The following PIDD1 variants were observed in gnomAD, a reference collection of about 807,000 sequenced individuals.
PIDD1 encodes p53-induced death domain-containing protein 1.
Under a neutral mutation model 80.0 loss-of-function variants are expected in PIDD1, and 72 were observed. The observed-to-expected ratio is 0.90, with a 90% CI of 0.74 to 1.09. The LOEUF is 1.09. PIDD1 is among the 50% of genes least tolerant of loss of function. PIDD1 has a pLI of 0.00. For missense variants in PIDD1, 1,329 were observed against 1,228.3 expected (o/e 1.08, Z -1.23); for synonymous variants, 655 against 543.5 (o/e 1.21, Z -2.85).
intron 1 of PIDD1, 86 bp downstream of exon 1, chr11:805,093 G>T: frequency 2.0e-6 from 1 of 510,766 alleles, no homozygotes; most frequent in Non-Finnish European, 2.5e-6. Context: ...GGGATCCCCC[G>T]GGCGTCGGGG....
Position 799,329 on chromosome 11 carries a change from G to A in PIDD1, c.2711C>T (p.Pro904Leu), listed in dbSNP as rs373748847. The A allele has an allele frequency of 6.2e-7, 1 of 1,606,166 alleles. No individual in the cohort carries two copies. Among genetic ancestry groups the A allele is most frequent in the Non-Finnish European group, 8.5e-7 (1 of 1,177,686 alleles). The change falls in exon 16 of 16, where the codon CCC becomes CTC. Residue 904 changes from proline (P) to leucine (L), a missense_variant. By Grantham distance (98) the Pro-to-Leu change is moderately conservative (BLOSUM62 -3). Coordinates refer to ENST00000347755, the MANE Select transcript of PIDD1 (RefSeq NM_145886.4). ...PALPGSSAPQ[P>L]PEPAQA ...GGCCTAGGCCTGGGCAGGCTCTGGGGGCTGTGGAGCCGAGGAGCCAGGCAG... is the reference window on the plus strand; with the variant it reads ...GGCCTAGGCCTGGGCAGGCTCTGGGAGCTGTGGAGCCGAGGAGCCAGGCAG...
At chr11:808,477 C>T (rs1381282509), upstream of PIDD1, among the ~76,000 whole-genome samples, 2 of 152,130 alleles carry the variant, frequency 1.3e-5, no homozygotes, top group African/African-American at 4.8e-5. Flanking sequence ...GCCTGTAATC[C>T]CAGCACTTTG....
rs1865374002 is a variant in PIDD1 at position 801,954 on chromosome 11, G to T, written c.1302+11C>A. The T allele has an allele frequency of 1.3e-6, 2 of 1,598,080 alleles. No individual in the cohort carries two copies. The highest frequency in any genetic ancestry group is 1.7e-6 in the Non-Finnish European group (2 of 1,173,014). ...CTCCACTCGCCACCGGCAGGCCTGG[G>T]TGGCCCTCACCTGGGGTGCCTCTTC... is the stretch of plus-strand genomic sequence containing the variant. On this transcript the variant is annotated intron_variant, in intron 7 of 15. Transcript: ENST00000347755.
chr11:799,926 G>C lies in PIDD1; in HGVS notation c.2363C>G (p.Thr788Arg), dbSNP rs749370608. The change falls in exon 15 of 16, where the codon ACG becomes AGG. Residue 788 changes from threonine to arginine, a missense_variant. Physicochemically the swap from Thr to Arg is moderately conservative, Grantham distance 71. Transcript: ENST00000347755. ...AGCCACACTCAGCAGGTTGCTCTGCGTCAGAAAGCCGGTCTCGGCATCTCC... is the reference window on the plus strand; with the variant it reads ...AGCCACACTCAGCAGGTTGCTCTGCCTCAGAAAGCCGGTCTCGGCATCTCC... Reference protein sequence around the residue: ...NLGDAETGFLTQSNLLSVAGR... With the variant: ...NLGDAETGFLRQSNLLSVAGR... 1 of 1,612,628 alleles carries C rather than the reference G, an allele frequency of 6.2e-7. No homozygotes were observed. Among genetic ancestry groups the C allele is most frequent in the Non-Finnish European group, 8.5e-7 (1 of 1,179,936 alleles).
intron 9 of PIDD1, 29 bp from the exon 10 acceptor site, chr11:801,149 GCCT>G: frequency 6.5e-7 from 1 of 1,546,886 alleles, no homozygotes; most frequent in Non-Finnish European, 8.7e-7. Context: ...GCGAGCTGAG[GCCT>G]CCTGGCCGGA....
intron 1 of PIDD1, 30 bp downstream of exon 1, chr11:805,148 GC>G: frequency 4.2e-6 from 4 of 946,942 alleles, no homozygotes; most frequent in Non-Finnish European, 5.0e-6. Context: ...TGTCCCCGCC[GC>G]CCCCTCCGCC....
At chr11:807,352 G>A (rs568394038), upstream of PIDD1, among the ~76,000 whole-genome samples, 48 of 151,642 alleles carry the variant, frequency 3.2e-4, no homozygotes, top group Admixed American at 1.8e-3. Flanking sequence ...GGTGGCGGGC[G>A]CCTGTAGTCC....
Position 799,292 on chromosome 11 carries a change from A to T in PIDD1, c.*15T>A. The T allele has an allele frequency of 6.4e-7, 1 of 1,570,750 alleles. No homozygotes were observed. On this transcript the variant is annotated 3_prime_UTR_variant, in exon 16 of 16. Transcript: ENST00000347755. ...CACTGGGGAATATCTGGGCCAGCCT[A>T]AAAGTCTGTGGGGCCTAGGCCTGGG...
At position 804,411 on chromosome 11, in the gene PIDD1, G is replaced by A. The variant is rs766348980; in HGVS notation, c.-23C>T. The A allele has an allele frequency of 2.6e-6, 4 of 1,564,426 alleles. No individual in the cohort carries two copies. The East Asian group carries it at 6.8e-5, about 27-fold the overall frequency. On this transcript the variant is annotated 5_prime_UTR_variant, in exon 2 of 16. Transcript: ENST00000347755. ...CATCGCCCACCGACGGTCCTTGGAGGCCAGACATGTCCCAGCACGCAGGCA... is the reference window on the plus strand; with the variant it reads ...CATCGCCCACCGACGGTCCTTGGAGACCAGACATGTCCCAGCACGCAGGCA...
In PIDD1 at chr11:800,532, AG is replaced by A. The variant is rs1429704133; in HGVS notation, c.2041+10del. On this transcript the variant is annotated intron_variant, in intron 12 of 15. Transcript: ENST00000347755. ...CCCTCCAGGGCAGGGAGCATCCACC[AG>A]CATCCCTACCAGCATCCACGTCGAT... 1.2e-6 allele frequency: 2 copies of A among 1,608,628 alleles called. No individual in the cohort carries two copies. The highest frequency in any genetic ancestry group is 1.7e-6 in the Non-Finnish European group (2 of 1,178,644).
rs1479635413 is a variant in PIDD1, at chr11:803,588, C to T, written c.296-1G>A. On this transcript the variant is annotated splice_acceptor_variant, in intron 2 of 15. Coordinates refer to ENST00000347755, the MANE Select transcript of PIDD1 (RefSeq NM_145886.4). LOFTEE classifies it high-confidence loss of function. ...CCCAGTGTGTCCCGGCGTTGCCCTC[C>T]TGGGAAGGGGGGAGGCGGATGTGGC... 2.9e-5 allele frequency: 47 copies of T among 1,603,726 alleles called. No homozygotes were observed. Among genetic ancestry groups the T allele is most frequent in the Non-Finnish European group, 4.0e-5 (47 of 1,174,942 alleles).
upstream of PIDD1, chr11:805,629 C>G (rs930229183): frequency 1.0e-6 from 1 of 985,388 alleles, no homozygotes; most frequent in Non-Finnish European, 1.2e-6. Flanking sequence ...TGCTACAAGC[C>G]GGAACAATTG....
Position 803,363 on chromosome 11 carries a change from T to C in PIDD1, c.520A>G (p.Thr174Ala), listed in dbSNP as rs1865537762. The change falls in exon 3 of 16, where the codon ACC becomes GCC. Residue 174 changes from threonine to alanine, a missense_variant. By Grantham distance (58) the Thr-to-Ala change is moderately conservative. Transcript: ENST00000347755. ...CGGTTGTGTGTCACTGTGAGGAAGG[T>C]GAGGGCGGGGAGGGCCCCCAGAGCC... is the stretch of plus-strand genomic sequence containing the variant. ...PEALGALPALTFLTVTHNRLQ... is the reference protein window; with the variant it reads ...PEALGALPALAFLTVTHNRLQ... 2 of 1,613,446 alleles carry C rather than the reference T, an allele frequency of 1.2e-6. No individual in the cohort carries two copies. The highest frequency in any genetic ancestry group is 2.7e-5 in the African/African-American group (2 of 74,776).
In PIDD1 at chr11:802,085, C is replaced by A; in HGVS notation, c.1182G>T (p.Val394=). The A allele has an allele frequency of 6.3e-7, 1 of 1,577,104 alleles. No homozygotes were observed. Among genetic ancestry groups the A allele is most frequent in the East Asian group, 2.3e-5 (1 of 43,210 alleles). ...QPHGVAFQQD[V]GLWLLFTPPQ... ...GTGGGGTGAAGAGCAGCCACAGCCC[C>A]ACATCCTGCCAGACAAGGATGGTGT... Residue 394 remains valine (V), a synonymous_variant, in exon 7 of 16, where the codon GTG becomes GTT. Coordinates refer to ENST00000347755, the MANE Select transcript of PIDD1 (RefSeq NM_145886.4).
Position 805,195 on chromosome 11 carries a change from G to A in PIDD1, c.-92C>T. 1.0e-6 allele frequency: 1 copy of A among 984,622 alleles called. No individual in the cohort carries two copies. Among genetic ancestry groups the A allele is most frequent in the Non-Finnish European group, 1.2e-6 (1 of 829,364 alleles). The allele number at this position is 984,622 out of a possible 1,614,324, so 61.0% of individuals were successfully genotyped here. ...GGCGCGTACCTGCGCTGCAGGCGGC[G>A]CGCAAAGGGTGGCTGCTCAGCGGGC... On this transcript the variant is annotated 5_prime_UTR_variant, in exon 1 of 16. Coordinates refer to ENST00000347755, the MANE Select transcript of PIDD1 (RefSeq NM_145886.4).
intron 14 of PIDD1, 47 bp downstream of exon 14, chr11:800,084 C>T (rs777597968): frequency 2.1e-5 from 34 of 1,604,492 alleles, no homozygotes; most frequent in Non-Finnish European, 2.6e-5. Context: ...CCTGGTCACC[C>T]CTGGGCCTCG....
Position 803,278 on chromosome 11 carries a change from G to A in PIDD1, c.605C>T (p.Ser202Phe). The A allele has an allele frequency of 6.2e-7, 1 of 1,613,796 alleles. No individual in the cohort carries two copies. The highest frequency in any genetic ancestry group is 8.5e-7 in the Non-Finnish European group (1 of 1,179,982). The change falls in exon 3 of 16, where the codon TCT becomes TTT. Residue 202 changes from serine (S) to phenylalanine (F), a missense_variant. Physicochemically the swap from Ser to Phe is radical, Grantham distance 155 (BLOSUM62 -2). Transcript: ENST00000347755. ...AGGTAGCGTGTCCAGCAGATTCTGA[G>A]AGAGATCGAGGCGCTGCAGGGTGGA... ...ALSTLQRLDL[S>F]QNLLDTLPPE... is the part of the protein sequence containing the mutation.
chr11:805,144 C>T, intron 1 of PIDD1, 35 bp downstream of exon 1: 6 of 946,094 alleles, frequency 6.3e-6, no homozygotes, highest in Non-Finnish European at 7.6e-6. Context: ...AACGTGTCCC[C>T]GCCGCCCCCT....
Position 804,091 on chromosome 11 carries a change from C to A in PIDD1, c.295+3G>T, listed in dbSNP as rs1334200141. ...GACAGGGCCCAGAACAGGTGGAACT[C>A]ACCTTTGAGGACCAGGGAGCGGAGG... On this transcript the variant is annotated splice_donor_region_variant and intron_variant, in intron 2 of 15. Transcript: ENST00000347755. 2 of 1,603,220 alleles carry A rather than the reference C, an allele frequency of 1.2e-6. No individual in the cohort carries two copies. Among genetic ancestry groups the A allele is most frequent in the South Asian group, 1.1e-5 (1 of 90,076 alleles).
Sources: gnomAD v4.1 joint callset for allele counts (sites outside exome capture counted in the v4.1 genomes callset) on GRCh38, gnomAD v4.1.1 for gene constraint, MANE v1.5 for transcripts, NCBI Gene and HGNC (gene_info 2026-07-23, HGNC 2026-07-21) for gene names.